Variants in IGF2BP3 observed in about 807,000 individuals in gnomAD.
The protein encoded by IGF2BP3 is insulin like growth factor 2 mRNA binding protein 3.
IGF2BP3 carries 9 observed loss-of-function variants against 73.8 expected under a neutral mutation model. The ratio of observed to expected loss-of-function variants is 0.12; its 90% confidence interval spans 0.07 to 0.21. IGF2BP3 has a LOEUF of 0.21. IGF2BP3 is among the 10% of genes least tolerant of loss of function. The pLI is 1.00. For synonymous variants in IGF2BP3, 258 were observed against 256.7 expected (o/e 1.01, Z -0.05); for missense variants, 542 against 714.0 (o/e 0.76, Z 2.75).
rs1301137425 is a variant in IGF2BP3 at position 23,312,806 on chromosome 7, G to T, written c.1570C>A (p.Pro524Thr). The stretch of plus-strand genomic sequence containing the variant: ...TTCTCATCAGGTGTCTGGTCACGAG[G>T]GACAACAACTTCTGCACTTGACAAA... ...QNLSSAEVVV[P>T]RDQTPDENDQ... The change falls in exon 14 of 15, where the codon CCT becomes ACT. Residue 524 changes from proline to threonine, a missense_variant. Physicochemically the swap from Pro to Thr is conservative, Grantham distance 38 (BLOSUM62 -1). Transcript: ENST00000258729. The T allele has an allele frequency of 6.2e-7, 1 of 1,612,630 alleles. No individual in the cohort carries two copies. Among genetic ancestry groups the T allele is most frequent in the Non-Finnish European group, 8.5e-7 (1 of 1,179,610 alleles).
intron 2 of IGF2BP3, among the ~76,000 whole-genome samples, chr7:23,448,723 T>C (rs1788124099): frequency 6.6e-6 from 1 of 152,172 alleles, no homozygotes; most frequent in Non-Finnish European, 1.5e-5. Context: ...CTCCACCTCC[T>C]GGGTTCAAAC....
chr7:23,351,689 A>C (rs1784966616), intron 5 of IGF2BP3, 103 bp from the exon 6 acceptor site: 3 of 1,278,496 alleles, frequency 2.3e-6, no homozygotes, highest in Admixed American at 2.2e-5. Flanking sequence ...TACTAGCTCT[A>C]AACTTCTGAG....
intron 3 of IGF2BP3, among the ~76,000 whole-genome samples, chr7:23,395,140 TC>T (rs1459578633): frequency 6.6e-6 from 1 of 152,196 alleles, no homozygotes; most frequent in Non-Finnish European, 1.5e-5. Flanking sequence ...TCTTTGTGAC[TC>T]ATTTTTTCAA....
chr7:23,350,567 T>G (rs1784934912), intron 6 of IGF2BP3, among the ~76,000 whole-genome samples: 2 of 152,218 alleles, frequency 1.3e-5, no homozygotes, highest in Non-Finnish European at 2.9e-5. Context: ...ATATAATGCA[T>G]GAGAACTGAG....
intron 2 of IGF2BP3, among the ~76,000 whole-genome samples, chr7:23,460,487 C>G (rs1045576191): frequency 6.7e-6 from 1 of 149,418 alleles, no homozygotes. Context: ...GAGCCAAGAT[C>G]GCCACTGCAC....
chr7:23,353,702 T>C (rs1198974405), intron 5 of IGF2BP3, among the ~76,000 whole-genome samples: 2 of 152,232 alleles, frequency 1.3e-5, no homozygotes, highest in Non-Finnish European at 2.9e-5. Flanking sequence ...GATATTTCCA[T>C]GTGATTTCTA....
chr7:23,322,365 T>G (rs1450984487), intron 10 of IGF2BP3, among the ~76,000 whole-genome samples: 2 of 151,934 alleles, frequency 1.3e-5, no homozygotes, highest in East Asian at 3.9e-4. Flanking sequence ...AAGGGAAGTT[T>G]AGAGAAAAAA....
Position 23,345,967 on chromosome 7 carries a change from T to G in IGF2BP3, c.914A>C (p.Asp305Ala). The G allele has an allele frequency of 6.2e-7, 1 of 1,613,208 alleles. No homozygotes were observed. Among genetic ancestry groups the G allele is most frequent in the Non-Finnish European group, 8.5e-7 (1 of 1,180,010 alleles). The change falls in exon 8 of 15, where the codon GAC becomes GCC. Residue 305 changes from aspartate to alanine, a missense_variant. Physicochemically the swap from Asp to Ala is moderately radical, Grantham distance 126. Transcript: ENST00000258729. ...EGRNLKKIEQ[D>A]TDTKITISPL... ...AGATATCGTGATTTTAGTGTCTGTG[T>G]CTTGCTCAATTTTTTTAAGATTTCT...
intron 3 of IGF2BP3, among the ~76,000 whole-genome samples, chr7:23,375,959 T>A (rs1714119443): frequency 6.6e-6 from 1 of 152,158 alleles, no homozygotes; most frequent in Admixed American, 6.5e-5. Context: ...GAAAACTCAA[T>A]CTCTCACTAC....
At chr7:23,379,513 G>A (rs1460582393) in intron 3 of IGF2BP3, among the ~76,000 whole-genome samples, 3 of 152,166 alleles carry the variant, frequency 2.0e-5, no homozygotes, top group Admixed American at 6.5e-5. Context: ...GCATTCTCAA[G>A]TAATTTTAAA....
At chr7:23,433,453 A>T (rs966510608) in intron 2 of IGF2BP3, among the ~76,000 whole-genome samples, 1 of 151,846 alleles carries the variant, frequency 6.6e-6, no homozygotes. Context: ...ATACTGTTAC[A>T]TTTTAGATAT....
chr7:23,423,901 C>G (rs552508605), intron 2 of IGF2BP3, among the ~76,000 whole-genome samples: 1 of 149,764 alleles, frequency 6.7e-6, no homozygotes, highest in African/African-American at 2.4e-5. Context: ...AGGCAGATCA[C>G]GAGGTCAGAA....
chr7:23,328,249 C>T (rs1784355991), intron 10 of IGF2BP3, among the ~76,000 whole-genome samples: 1 of 152,066 alleles, frequency 6.6e-6, no homozygotes, highest in African/African-American at 2.4e-5. Context: ...TGCTCTGTCT[C>T]CCAGGCTGGA....
chr7:23,458,025 A>T (rs1414888259), intron 2 of IGF2BP3, among the ~76,000 whole-genome samples: 1 of 152,150 alleles, frequency 6.6e-6, no homozygotes, highest in East Asian at 1.9e-4. Context: ...CATCAAATCT[A>T]TTTACATCCA....
In IGF2BP3 at chr7:23,312,853, A is replaced by C; in HGVS notation, c.1528-5T>G. Reference sequence around the variant, plus strand: ...CAAATTCTGAAGTTCATTCACCTGAAAGAGATAAATATAAATCACATTAAG... The same window carrying C: ...CAAATTCTGAAGTTCATTCACCTGACAGAGATAAATATAAATCACATTAAG... On this transcript the variant is annotated splice_polypyrimidine_tract_variant and splice_region_variant and intron_variant, in intron 13 of 14. Transcript: ENST00000258729. 1 of 1,585,560 alleles carries C rather than the reference A, an allele frequency of 6.3e-7. No individual in the cohort carries two copies. The highest frequency in any genetic ancestry group is 1.4e-5 in the African/African-American group (1 of 74,016).
chr7:23,371,633 GCA>G (rs1313033418), intron 3 of IGF2BP3, among the ~76,000 whole-genome samples: 1 of 152,182 alleles, frequency 6.6e-6, no homozygotes, highest in Non-Finnish European at 1.5e-5. Context: ...AAGAAAGCCA[GCA>G]CCACAGACCA....
intron 1 of IGF2BP3, among the ~76,000 whole-genome samples, 168 bp from the exon 2 acceptor site, chr7:23,468,710 C>T (rs1028874031): frequency 6.6e-6 from 1 of 152,202 alleles, no homozygotes; most frequent in Admixed American, 6.5e-5. Flanking sequence ...CCTCGAGCGG[C>T]GTGGGCATTT....
chr7:23,441,574 TAAAAA>T (rs769391858), intron 2 of IGF2BP3, among the ~76,000 whole-genome samples: 2 of 56,948 alleles, frequency 3.5e-5, no homozygotes, highest in Non-Finnish European at 6.5e-5. Flanking sequence ...CTCCATCTCT[TAAAAA>T]AAAAAAAAAA....
At chr7:23,324,263 C>A (rs1240194083) in intron 10 of IGF2BP3, among the ~76,000 whole-genome samples, 1 of 150,884 alleles carries the variant, frequency 6.6e-6, no homozygotes, top group African/African-American at 2.4e-5. Flanking sequence ...CACAGAAATA[C>A]AAACTACCAT....
Sources: gnomAD v4.1 joint callset for allele counts (sites outside exome capture counted in the v4.1 genomes callset) on GRCh38, gnomAD v4.1.1 for gene constraint, MANE v1.5 for transcripts, NCBI Gene and HGNC (gene_info 2026-07-23, HGNC 2026-07-21) for gene names.